The following HAUS1 variants were observed in gnomAD, a reference collection of about 807,000 sequenced individuals.
The protein encoded by HAUS1 is HAUS augmin like complex subunit 1, also known as HAUS augmin-like complex subunit 1.
A neutral mutation model predicts 38.6 loss-of-function variants in HAUS1; 25 were observed. The observed-to-expected ratio is 0.65, with a 90% CI of 0.47 to 0.91. HAUS1 has a LOEUF of 0.91. HAUS1 is among the 40% of genes least tolerant of loss of function. The pLI is 0.00. For synonymous variants in HAUS1, 109 were observed against 112.9 expected, an observed-to-expected ratio of 0.97 and a Z score of 0.22; for missense variants, 325 against 328.4, an observed-to-expected ratio of 0.99 and a Z score of 0.08.
chr18:46,108,548 C>G (rs1282517557), intron 2 of HAUS1, among the ~76,000 whole-genome samples: 1 of 152,072 alleles, frequency 6.6e-6, no homozygotes, highest in Non-Finnish European at 1.5e-5. Context: ...GATTCTTCTT[C>G]TTTCTTAAAA....
intron 2 of HAUS1, among the ~76,000 whole-genome samples, chr18:46,107,613 A>G (rs752613181): frequency 6.6e-6 from 1 of 152,362 alleles, no homozygotes; most frequent in African/African-American, 2.4e-5. Flanking sequence ...GAACTTTATA[A>G]CAAGTGTACA....
At chr18:46,127,708 A>C (rs934257163) in intron 8 of HAUS1, among the ~76,000 whole-genome samples, 3 of 99,086 alleles carry the variant, frequency 3.0e-5, no homozygotes, top group African/African-American at 5.1e-5. Context: ...ACTGCATCTC[A>C]AAAAAAAAAA....
intron 2 of HAUS1, among the ~76,000 whole-genome samples, chr18:46,110,535 G>A (rs1911603187): frequency 6.6e-6 from 1 of 151,502 alleles, no homozygotes; most frequent in Non-Finnish European, 1.5e-5. Flanking sequence ...TAGAGGCAGG[G>A]TTTCATCATG....
chr18:46,110,312 T>C (rs1310797125), intron 2 of HAUS1, among the ~76,000 whole-genome samples: 1 of 145,040 alleles, frequency 6.9e-6, no homozygotes, highest in African/African-American at 2.5e-5. Flanking sequence ...TAAATCACCA[T>C]GCCCAGCTTA....
chr18:46,126,020 T>TA (rs1240595823), intron 8 of HAUS1: 1 of 322,366 alleles, frequency 3.1e-6, no homozygotes, highest in African/African-American at 2.2e-5. Flanking sequence ...CTCACACCTG[T>TA]AATCCCAGCA....
rs1332496095 is a variant in HAUS1, at chr18:46,105,264, C to A, written c.101C>A (p.Thr34Lys). 6.2e-7 allele frequency: 1 copy of A among 1,613,628 alleles called. No homozygotes were observed. The highest frequency in any genetic ancestry group is 1.7e-5 in the Admixed American group (1 of 59,976). ...IPQYEVNPRTTEILHHLSERN... is the reference protein window; with the variant it reads ...IPQYEVNPRTKEILHHLSERN... ...CAGTATGAGGTGAACCCACGGACCACAGAGATTTTACATCACCTTTCAGAA... is the reference window on the plus strand; with the variant it reads ...CAGTATGAGGTGAACCCACGGACCAAAGAGATTTTACATCACCTTTCAGAA... Residue 34 changes from threonine (T) to lysine (K), a missense_variant, in exon 2 of 9, where the codon ACA becomes AAA. Transcript: ENST00000282058.
At chr18:46,114,101 T>C (rs115157539) in intron 2 of HAUS1, among the ~76,000 whole-genome samples, 1,758 of 152,336 alleles carry the variant, frequency 0.012, 38 homozygotes, top group African/African-American at 0.04. Context: ...CTTAGAGGAA[T>C]AGTTTCTGAG....
At chr18:46,111,885 C>CTTTTTTTT (rs370593835) in intron 2 of HAUS1, among the ~76,000 whole-genome samples, 4 of 134,424 alleles carry the variant, frequency 3.0e-5, no homozygotes, top group African/African-American at 5.5e-5. Context: ...CTTTTCTTTT[C>CTTTTTTTT]TTTTTTTTTT....
At chr18:46,127,983 C>A in intron 8 of HAUS1, 92 bp from the exon 9 acceptor site, 1 of 683,528 alleles carries the variant, frequency 1.5e-6, no homozygotes, top group Non-Finnish European at 2.3e-6. Flanking sequence ...TCTAATGTTT[C>A]CTTTTTTGCT....
chr18:46,123,210 C>CA (rs368410779), intron 5 of HAUS1, 89 bp from the exon 6 acceptor site: 10,021 of 732,416 alleles, frequency 0.014, no homozygotes, highest in Middle Eastern at 0.017. Flanking sequence ...GACTCGGTCT[C>CA]AAAAAAAAAA....
chr18:46,125,958 C>T (rs1032776112), intron 8 of HAUS1, 167 bp downstream of exon 8: 12 of 549,868 alleles, frequency 2.2e-5, no homozygotes, highest in Admixed American at 3.3e-5. Flanking sequence ...TGGCTGTGTA[C>T]GTGTGTATAT....
intron 2 of HAUS1, among the ~76,000 whole-genome samples, chr18:46,112,208 T>A (rs949676655): frequency 6.8e-6 from 1 of 146,056 alleles, no homozygotes; most frequent in Non-Finnish European, 1.5e-5. Context: ...TGTTCTTTTT[T>A]TCTCTGTTCT....
At chr18:46,105,583 TGTGTGTG>T (rs1315865542) in intron 2 of HAUS1, among the ~76,000 whole-genome samples, 1 of 150,874 alleles carries the variant, frequency 6.6e-6, no homozygotes, top group African/African-American at 2.5e-5. Context: ...TGTGTGTGTG[TGTGTGTG>T]TGTATATATT....
intron 2 of HAUS1, among the ~76,000 whole-genome samples, chr18:46,117,871 G>C (rs750432747): frequency 1.3e-5 from 2 of 151,958 alleles, no homozygotes; most frequent in East Asian, 1.9e-4. Flanking sequence ...ACTGGAACCC[G>C]GGGGGTGGAG....
In HAUS1 at chr18:46,113,048, C is replaced by CATATTATATATATAATATAT. The variant is rs1386450609; in HGVS notation, c.206-5127_206-5108dup. Among the ~76,000 whole-genome samples the CATATTATATATATAATATAT allele has an allele frequency of 2.4e-3, 308 of 126,194 alleles. 2 individuals are homozygous for CATATTATATATATAATATAT. Among genetic ancestry groups the CATATTATATATATAATATAT allele is most frequent in the African/African-American group, 8.6e-3 (282 of 32,612 alleles). The allele number at this position is 126,194 out of a possible 152,430, so 82.8% of individuals were successfully genotyped here. A position where few individuals can be genotyped will look rare whatever the true frequency, so the allele number is the denominator to read the frequency against. ...TATTATATATATAATATATATATTC[C>CATATTATATATATAATATAT]ATATTATATATATAATATATATATT... On this transcript the variant is annotated intron_variant, in intron 2 of 8. Coordinates refer to ENST00000282058, the MANE Select transcript of HAUS1 (RefSeq NM_138443.4).
chr18:46,117,012 A>T (rs1207552671), intron 2 of HAUS1, among the ~76,000 whole-genome samples: 1 of 152,302 alleles, frequency 6.6e-6, no homozygotes, highest in South Asian at 2.1e-4. Flanking sequence ...AGTCACTAGG[A>T]TGGCTATAAT....
intron 4 of HAUS1, among the ~76,000 whole-genome samples, chr18:46,120,768 T>G (rs1391000278): frequency 6.6e-6 from 1 of 151,780 alleles, no homozygotes; most frequent in East Asian, 1.9e-4. Flanking sequence ...GTGTTTTCAG[T>G]AGAGACAGGG....
At chr18:46,116,232 G>A (rs1368873084) in intron 2 of HAUS1, among the ~76,000 whole-genome samples, 1 of 151,858 alleles carries the variant, frequency 6.6e-6, no homozygotes, top group Non-Finnish European at 1.5e-5. Flanking sequence ...ATCTGATATG[G>A]GACTTGTATC....
intron 7 of HAUS1, among the ~76,000 whole-genome samples, chr18:46,125,419 GGC>G (rs1912074005): frequency 6.6e-6 from 1 of 151,728 alleles, no homozygotes; most frequent in South Asian, 2.1e-4. Context: ...CGTGGTGGTG[GGC>G]GCTTATAATC....
Sources: gnomAD v4.1 joint callset for allele counts (sites outside exome capture counted in the v4.1 genomes callset) on GRCh38, gnomAD v4.1.1 for gene constraint, MANE v1.5 for transcripts, NCBI Gene and HGNC (gene_info 2026-07-23, HGNC 2026-07-21) for gene names.